Variants in ATP8B4 observed in about 807,000 individuals in gnomAD.
ATP8B4 encodes probable phospholipid-transporting ATPase IM.
ATP8B4 carries 133 observed loss-of-function variants against 145.6 expected under a neutral mutation model. The observed-to-expected ratio is 0.91, with a 90% confidence interval of 0.79 to 1.05. The LOEUF (loss-of-function observed/expected upper bound fraction) is 1.05, where lower values mean the gene tolerates loss of function less well. ATP8B4 is among the 50% of genes least tolerant of loss of function. ATP8B4 has a pLI of 0.00. For synonymous variants in ATP8B4, 507 were observed against 492.9 expected (o/e 1.03, Z -0.38); for missense variants, 1,458 against 1,425.2 (o/e 1.02, Z -0.37).
chr15:50,176,043 G>T (rs1480207054), intron 1 of ATP8B4, among the ~76,000 whole-genome samples: 1 of 150,414 alleles, frequency 6.6e-6, no homozygotes, highest in Non-Finnish European at 1.5e-5. Flanking sequence ...TATAGAGAGA[G>T]TGTATATATA....
intron 2 of ATP8B4, among the ~76,000 whole-genome samples, chr15:50,086,134 A>G (rs1185730457): frequency 2.0e-5 from 2 of 102,216 alleles, no homozygotes; most frequent in Non-Finnish European, 3.5e-5. Flanking sequence ...TATATATAAT[A>G]AAATAGATCT....
chr15:50,057,183 T>G (rs1348423479), intron 3 of ATP8B4, among the ~76,000 whole-genome samples: 1 of 152,234 alleles, frequency 6.6e-6, no homozygotes, highest in Non-Finnish European at 1.5e-5. Context: ...ACTTTCTATG[T>G]CATAGATTCT....
intron 12 of ATP8B4, among the ~76,000 whole-genome samples, chr15:49,973,231 G>A (rs1192213564): frequency 1.3e-5 from 2 of 152,172 alleles, no homozygotes; most frequent in Non-Finnish European, 1.5e-5. Context: ...CAATTAATGT[G>A]CACTTTATTT....
Position 50,024,298 on chromosome 15 carries a change from C to T in ATP8B4, c.363-13381G>A, listed in dbSNP as rs186899982. Among the ~76,000 whole-genome samples, 17 of 152,210 alleles carry T rather than the reference C, an allele frequency of 1.1e-4. No individual in the cohort carries two copies. In the East Asian group the frequency reaches 3.1e-3, roughly 28 times the overall value. Reference sequence around the variant, plus strand: ...TAACTGAGCCTAGAAAGAAAAAAACCTCAGCTCTTCCCTTTTGGCAGAGCT... The same window carrying T: ...TAACTGAGCCTAGAAAGAAAAAAACTTCAGCTCTTCCCTTTTGGCAGAGCT... On this transcript the variant is annotated intron_variant, in intron 6 of 27. Transcript: ENST00000284509.
chr15:49,860,024 A>G lies in ATP8B4; in HGVS notation c.*170T>C. The G allele has an allele frequency of 1.4e-6, 1 of 738,048 alleles. No individual in the cohort carries two copies. Among genetic ancestry groups the G allele is most frequent in the South Asian group, 2.1e-5 (1 of 46,580 alleles). The allele number at this position is 738,048 out of a possible 1,614,324, so 45.7% of individuals were successfully genotyped here. ...GTGACCCTCTGGCCTGGTTTTCCAT[A>G]GCGCACACTCCTGTTTGATGGGCAC... On this transcript the variant is annotated 3_prime_UTR_variant, in exon 28 of 28. Coordinates refer to ENST00000284509, the MANE Select transcript of ATP8B4 (RefSeq NM_024837.4).
chr15:50,180,428 C>A (rs2044828574), intron 1 of ATP8B4, among the ~76,000 whole-genome samples: 1 of 152,180 alleles, frequency 6.6e-6, no homozygotes, highest in South Asian at 2.1e-4. Context: ...ATTCCTGTTT[C>A]TGCTTCAGCT....
At chr15:50,077,793 C>T (rs1393510868) in intron 2 of ATP8B4, among the ~76,000 whole-genome samples, 1 of 152,120 alleles carries the variant, frequency 6.6e-6, no homozygotes, top group African/African-American at 2.4e-5. Flanking sequence ...GGTATTCAGG[C>T]CTGAGAAGGA....
At chr15:49,869,460 A>G (rs1367269505) in intron 25 of ATP8B4, among the ~76,000 whole-genome samples, 1 of 152,138 alleles carries the variant, frequency 6.6e-6, no homozygotes, top group Non-Finnish European at 1.5e-5. Flanking sequence ...AACTAAAAAA[A>G]AGCAAGAGAA....
chr15:49,961,896 G>A (rs2044112574), intron 14 of ATP8B4, 81 bp downstream of exon 14: 2 of 1,186,800 alleles, frequency 1.7e-6, no homozygotes, highest in Non-Finnish European at 2.4e-6. Context: ...TGGAAATCAG[G>A]ACACTAAAAG....
intron 1 of ATP8B4, among the ~76,000 whole-genome samples, chr15:50,107,980 C>T (rs1381559621): frequency 1.3e-5 from 2 of 152,038 alleles, no homozygotes; most frequent in Admixed American, 1.3e-4. Flanking sequence ...GTATGCCTAA[C>T]AAATAGGGTC....
chr15:49,930,199 G>T (rs2041124548), intron 16 of ATP8B4, among the ~76,000 whole-genome samples: 1 of 151,996 alleles, frequency 6.6e-6, no homozygotes, highest in African/African-American at 2.4e-5. Context: ...AAGAGCAATT[G>T]TTTTCTGATG....
chr15:50,174,902 A>T (rs1447901383), intron 1 of ATP8B4, among the ~76,000 whole-genome samples: 2 of 152,364 alleles, frequency 1.3e-5, no homozygotes, highest in East Asian at 1.9e-4. Context: ...CAATACTATA[A>T]GGCTATAGTC....
At chr15:50,108,094 A>T (rs1768631518) in intron 1 of ATP8B4, among the ~76,000 whole-genome samples, 1 of 152,072 alleles carries the variant, frequency 6.6e-6, no homozygotes, top group Admixed American at 6.5e-5. Flanking sequence ...TGCTAAAAGC[A>T]AGGCTAGGTC....
In ATP8B4 at chr15:50,141,979, C is replaced by T. The variant is rs144294072; in HGVS notation, c.-42-34971G>A. ...AGGGCACATAAGGCTTCACATATGG[C>T]ATGTCTGAGGGGCTCTTGAAAGACG... On this transcript the variant is annotated intron_variant, in intron 1 of 3. Coordinates refer to the ATP8B4 transcript ENST00000558829. 4.8e-3 allele frequency among the ~76,000 whole-genome samples: 734 copies of T among 152,220 alleles called. 3 individuals carry two copies. The highest frequency in any genetic ancestry group is 9.1e-3 in the Non-Finnish European group (616 of 68,030).
chr15:50,025,480 A>G (rs2049939988), intron 6 of ATP8B4, among the ~76,000 whole-genome samples: 1 of 151,778 alleles, frequency 6.6e-6, no homozygotes, highest in South Asian at 2.1e-4. Context: ...TTTGCACATG[A>G]TTTTCCCTCT....
intron 2 of ATP8B4, among the ~76,000 whole-genome samples, chr15:50,085,848 ATTATATATAATAAACGTATCATATATAT>A (rs1297224965): frequency 4.1e-5 from 5 of 120,630 alleles, no homozygotes; most frequent in African/African-American, 1.6e-4. Flanking sequence ...AGATTATTTT[ATTATATATAATAAACGTATCATATATAT>A]TTATATATTT....
At chr15:49,924,627 C>T (rs1567001935) in intron 16 of ATP8B4, among the ~76,000 whole-genome samples, 1 of 152,188 alleles carries the variant, frequency 6.6e-6, no homozygotes, top group Non-Finnish European at 1.5e-5. Flanking sequence ...ACCCTCCCCT[C>T]TACCCCAGTC....
At chr15:50,137,187 C>T (rs548379899) in intron 1 of ATP8B4, among the ~76,000 whole-genome samples, 5 of 152,326 alleles carry the variant, frequency 3.3e-5, no homozygotes, top group African/African-American at 1.2e-4. Flanking sequence ...CTCATTCACT[C>T]TCTTTACATT....
chr15:50,165,964 C>CAAA (rs1555498704), intron 1 of ATP8B4, among the ~76,000 whole-genome samples: 2 of 144,468 alleles, frequency 1.4e-5, no homozygotes, highest in African/African-American at 5.1e-5. Flanking sequence ...TCAGAGAATC[C>CAAA]CAGAGAACAC....
Sources: allele counts gnomAD v4.1 joint callset (sites outside exome capture counted in the v4.1 genomes callset), GRCh38; gene constraint gnomAD v4.1.1; transcripts MANE v1.5; gene names NCBI Gene and HGNC (gene_info 2026-07-23, HGNC 2026-07-21).